The following CELF4 variants were observed in gnomAD, a reference collection of about 807,000 sequenced individuals.
The protein encoded by CELF4 is CUG-BP- and ETR-3-like factor 4.
Under a neutral mutation model 59.9 loss-of-function variants are expected in CELF4, and 18 were observed. The observed-to-expected ratio is 0.30, with a 90% CI of 0.21 to 0.45. CELF4 has a LOEUF of 0.45. Among genes scored for constraint, CELF4 ranks in the 20% least tolerant of loss-of-function variants. The probability of loss-of-function intolerance (pLI) is 1.00; values close to 1 mark genes in which losing one functional copy is unlikely to be tolerated. For missense variants in CELF4, 456 were observed against 689.0 expected (o/e 0.66, Z 3.79); for synonymous variants, 261 against 267.1 (o/e 0.98, Z 0.22).
intron 2 of CELF4, among the ~76,000 whole-genome samples, chr18:37,412,035 A>G (rs1871854388): frequency 1.3e-5 from 2 of 152,142 alleles, no homozygotes; most frequent in Admixed American, 1.3e-4. Context: ...TGTTTTCTTT[A>G]TTTTCTTCCC....
chr18:37,519,394 C>T (rs1217737163), intron 1 of CELF4, among the ~76,000 whole-genome samples: 1 of 152,120 alleles, frequency 6.6e-6, no homozygotes, highest in East Asian at 1.9e-4. Flanking sequence ...GCCCTCCTCA[C>T]TTTGTCTGGC....
chr18:37,283,932 A>ACAAC (rs1320423649), intron 3 of CELF4, among the ~76,000 whole-genome samples: 1 of 150,804 alleles, frequency 6.6e-6, no homozygotes, highest in African/African-American at 2.4e-5. Context: ...CACACACACC[A>ACAAC]ATACATGCAC....
chr18:37,404,206 C>T lies in CELF4; in HGVS notation c.369+81319G>A, dbSNP rs547655840. Among the ~76,000 whole-genome samples, 55 of 152,304 alleles carry T rather than the reference C, an allele frequency of 3.6e-4. 1 individual carries two copies. The Middle Eastern group carries it at 0.02, about 57-fold the overall frequency. ...GCTACAACTTGGAGAGGTTGAGGCA[C>T]GTGACCTCGAGCACATCCCCCAACC... On this transcript the variant is annotated intron_variant, in intron 2 of 12. Transcript: ENST00000420428.
chr18:37,442,285 A>G (rs2099732962), intron 2 of CELF4, among the ~76,000 whole-genome samples: 1 of 152,222 alleles, frequency 6.6e-6, no homozygotes, highest in Admixed American at 6.5e-5. Context: ...CTGCTTGCCA[A>G]GTCGTGACAT....
intron 2 of CELF4, among the ~76,000 whole-genome samples, chr18:37,374,815 A>G (rs1308945265): frequency 6.6e-6 from 1 of 152,184 alleles, no homozygotes; most frequent in Non-Finnish European, 1.5e-5. Context: ...TCCTACTCCC[A>G]GCCAGTGGCC....
intron 1 of CELF4, among the ~76,000 whole-genome samples, chr18:37,489,336 G>A (rs1009825052): frequency 6.6e-6 from 1 of 152,262 alleles, no homozygotes; most frequent in Non-Finnish European, 1.5e-5. Flanking sequence ...GGGGCATGGT[G>A]ACTGTGGGGA....
chr18:37,466,416 G>T (rs1053505346), intron 2 of CELF4, among the ~76,000 whole-genome samples: 1 of 151,986 alleles, frequency 6.6e-6, no homozygotes, highest in African/African-American at 2.4e-5. Context: ...CGATCTTCAT[G>T]GGGTGGGGGT....
intron 1 of CELF4, among the ~76,000 whole-genome samples, chr18:37,509,554 G>C (rs2099941922): frequency 6.6e-6 from 1 of 152,242 alleles, no homozygotes; most frequent in African/African-American, 2.4e-5. Flanking sequence ...AATGAGTATT[G>C]AGTTCATCTG....
At chr18:37,408,499 GGGC>G (rs1309798052) in intron 2 of CELF4, among the ~76,000 whole-genome samples, 10 of 63,922 alleles carry the variant, frequency 1.6e-4, no homozygotes, top group African/African-American at 3.9e-4. Context: ...TGCCGGGGGG[GGGC>G]GCGGTGCAGG....
intron 2 of CELF4, among the ~76,000 whole-genome samples, chr18:37,365,764 G>T (rs2098772397): frequency 6.6e-6 from 1 of 152,068 alleles, no homozygotes; most frequent in African/African-American, 2.4e-5. Flanking sequence ...GGGATTACAG[G>T]TGTGAACCAC....
rs2096378425 is a variant in CELF4 at position 37,306,042 on chromosome 18, G to A, written c.448+15761C>T. The A allele has an allele frequency of 2.0e-5, 3 of 152,378 alleles. No individual in the cohort carries two copies. In the East Asian group the frequency reaches 5.8e-4, roughly 29 times the overall value. 9.4% of individuals were successfully genotyped at this position (152,378 alleles called of 1,614,324 possible). On this transcript the variant is annotated intron_variant, in intron 3 of 12. Transcript: ENST00000420428. ...ACTGGACAGAAGGACAGGACCCAGT[G>A]GGCTTCTGCCCTGATGGGGAAGAGG...
intron 1 of CELF4, among the ~76,000 whole-genome samples, chr18:37,544,648 G>A (rs1316364826): frequency 2.6e-5 from 4 of 152,218 alleles, no homozygotes; most frequent in African/African-American, 9.6e-5. Flanking sequence ...GCTACGTGAG[G>A]ATGAGAATTT....
intron 1 of CELF4, among the ~76,000 whole-genome samples, chr18:37,548,988 G>A (rs1039270290): frequency 3.9e-5 from 6 of 152,118 alleles, no homozygotes; most frequent in African/African-American, 7.2e-5. Context: ...AGTCACATGC[G>A]GACCGTCCAC....
intron 2 of CELF4, among the ~76,000 whole-genome samples, chr18:37,419,012 G>A (rs1190363952): frequency 6.6e-6 from 1 of 152,136 alleles, no homozygotes; most frequent in African/African-American, 2.4e-5. Flanking sequence ...ATGAAGAGTG[G>A]GAGACCTGCT....
At chr18:37,401,486 C>T (rs1356705332) in intron 2 of CELF4, among the ~76,000 whole-genome samples, 3 of 152,224 alleles carry the variant, frequency 2.0e-5, no homozygotes, top group Non-Finnish European at 1.5e-5. Flanking sequence ...CCAATACTAA[C>T]TGAAGGTCAC....
chr18:37,264,895 C>G, intron 9 of CELF4, 138 bp from the exon 10 acceptor site: 1 of 673,880 alleles, frequency 1.5e-6, no homozygotes, highest in Non-Finnish European at 2.6e-6. Context: ...TAGGACAAAG[C>G]CAGCTTTCAG....
chr18:37,310,471 C>T (rs1368486087), intron 3 of CELF4, among the ~76,000 whole-genome samples: 1 of 152,198 alleles, frequency 6.6e-6, no homozygotes, highest in African/African-American at 2.4e-5. Context: ...AAGTAGGCCC[C>T]CCATTCTGGC....
At chr18:37,400,310 A>G (rs2099310439) in intron 2 of CELF4, among the ~76,000 whole-genome samples, 1 of 125,870 alleles carries the variant, frequency 7.9e-6, no homozygotes, top group African/African-American at 3.0e-5. Flanking sequence ...ACCTTTATAT[A>G]TGTGTGTATA....
At chr18:37,493,530 G>C (rs2099913489) in intron 1 of CELF4, among the ~76,000 whole-genome samples, 1 of 152,196 alleles carries the variant, frequency 6.6e-6, no homozygotes, top group Admixed American at 6.5e-5. Context: ...AGTGGCAGCA[G>C]GAAGTGGCTG....
Sources: gnomAD v4.1 joint callset for allele counts (sites outside exome capture counted in the v4.1 genomes callset) on GRCh38, gnomAD v4.1.1 for gene constraint, MANE v1.5 for transcripts, NCBI Gene and HGNC (gene_info 2026-07-23, HGNC 2026-07-21) for gene names.